The following ZFHX3 variants were observed in gnomAD, a reference collection of about 807,000 sequenced individuals.
The protein encoded by ZFHX3 is zinc finger homeobox protein 3.
In ZFHX3, 42 loss-of-function variants were observed where a neutral mutation model predicts 279.1. The ratio of observed to expected loss-of-function variants is 0.15; its 90% CI spans 0.12 to 0.19. The LOEUF is 0.19. Among genes scored for constraint, ZFHX3 ranks in the 10% least tolerant of loss-of-function variants. The pLI, the probability that ZFHX3 is intolerant of heterozygous loss-of-function variation, is 1.00. For synonymous variants in ZFHX3, 2,293 were observed against 1,957.8 expected, an observed-to-expected ratio of 1.17 and a Z score of -4.52; for missense variants, 4,981 against 4,754.0, an observed-to-expected ratio of 1.05 and a Z score of -1.40.
intron 4 of ZFHX3, among the ~76,000 whole-genome samples, chr16:72,835,528 C>T (rs1052760196): frequency 6.6e-6 from 1 of 152,136 alleles, no homozygotes; most frequent in Non-Finnish European, 1.5e-5. Context: ...AACAAAATAA[C>T]CTATCTGCTT....
intron 5 of ZFHX3, among the ~76,000 whole-genome samples, chr16:73,212,747 A>T (rs2012063580): frequency 6.6e-6 from 1 of 152,206 alleles, no homozygotes; most frequent in Admixed American, 6.5e-5. Flanking sequence ...CTTGCAGAGT[A>T]TTGATACGGA....
At chr16:72,980,102 T>C (rs62053222) in intron 1 of ZFHX3, among the ~76,000 whole-genome samples, 9,060 of 152,232 alleles carry the variant, frequency 0.06, 305 homozygotes, top group Non-Finnish European at 0.075. Context: ...TTTCCACTGA[T>C]AGACAAGAAT....
chr16:73,606,051 C>T (rs1351272107), intron 2 of ZFHX3, among the ~76,000 whole-genome samples: 5 of 151,054 alleles, frequency 3.3e-5, no homozygotes, highest in Middle Eastern at 6.9e-3. Context: ...GGCGTGGTGG[C>T]GGGCACCTGT....
chr16:73,103,352 C>G (rs1442827715), intron 7 of ZFHX3, among the ~76,000 whole-genome samples: 1 of 150,540 alleles, frequency 6.6e-6, no homozygotes, highest in Non-Finnish European at 1.5e-5. Flanking sequence ...ACCTTGGGTA[C>G]CCCAAACCAG....
intron 8 of ZFHX3, among the ~76,000 whole-genome samples, chr16:73,071,989 T>C (rs1161693895): frequency 6.6e-6 from 1 of 152,110 alleles, no homozygotes; most frequent in Non-Finnish European, 1.5e-5. Flanking sequence ...CCCTTTTAGC[T>C]TGGAAGTGGG....
intron 3 of ZFHX3, among the ~76,000 whole-genome samples, chr16:72,904,328 A>T (rs760893669): frequency 6.6e-6 from 1 of 151,830 alleles, no homozygotes; most frequent in Non-Finnish European, 1.5e-5. Context: ...ATCACAACCC[A>T]CTGCACTCCA....
chr16:72,851,507 C>G (rs1455516878), intron 4 of ZFHX3, among the ~76,000 whole-genome samples: 1 of 152,078 alleles, frequency 6.6e-6, no homozygotes, highest in Non-Finnish European at 1.5e-5. Flanking sequence ...AAATTCCTCT[C>G]TGGGGAGCTC....
At chr16:73,358,932 G>T (rs16971799) in intron 3 of ZFHX3, among the ~76,000 whole-genome samples, 7,308 of 152,210 alleles carry the variant, frequency 0.048, 567 homozygotes, top group African/African-American at 0.17. Context: ...TGGATGCAAA[G>T]ATTAAACAAG....
chr16:73,069,832 T>G (rs1965800907), intron 8 of ZFHX3, among the ~76,000 whole-genome samples: 1 of 152,226 alleles, frequency 6.6e-6, no homozygotes, highest in Admixed American at 6.5e-5. Flanking sequence ...TAATGGTATA[T>G]CCTGTCAATC....
At position 73,012,225 on chromosome 16, in the gene ZFHX3, A is replaced by G. The variant is rs187096616; in HGVS notation, c.-50+35527T>C. On this transcript the variant is annotated intron_variant, in intron 1 of 9. Coordinates refer to ENST00000268489, the MANE Select transcript of ZFHX3 (RefSeq NM_006885.4). ...TAACGGGCAGACAGCCTCAAACTCC[A>G]TTCAGCTCCACAGCGCCTCTCCATG... 1.7e-4 allele frequency among the ~76,000 whole-genome samples: 26 copies of G among 151,628 alleles called. 1 individual carries two copies. Among genetic ancestry groups the G allele is most frequent in the Admixed American group, 1.6e-3 (25 of 15,254 alleles).
intron 2 of ZFHX3, among the ~76,000 whole-genome samples, chr16:72,951,693 G>A (rs1187298063): frequency 3.3e-5 from 5 of 152,248 alleles, no homozygotes; most frequent in South Asian, 2.1e-4. Context: ...AGCTGCAATC[G>A]TAACATACCA....
intron 5 of ZFHX3, among the ~76,000 whole-genome samples, chr16:73,192,024 G>A (rs1968049285): frequency 1.3e-5 from 2 of 152,230 alleles, no homozygotes; most frequent in Admixed American, 1.3e-4. Context: ...CGCCCTACTT[G>A]GCTGTGTGGT....
At chr16:72,972,537 T>C (rs1183906732) in intron 1 of ZFHX3, among the ~76,000 whole-genome samples, 1 of 152,134 alleles carries the variant, frequency 6.6e-6, no homozygotes, top group African/African-American at 2.4e-5. Flanking sequence ...GAACCAACTA[T>C]GCGGCACAAT....
At chr16:73,793,743 G>A (rs188602180) in intron 1 of ZFHX3, among the ~76,000 whole-genome samples, 1 of 152,150 alleles carries the variant, frequency 6.6e-6, no homozygotes. Context: ...GGAATGAAGA[G>A]GAATAAGAGG....
rs1287091663 is a variant in ZFHX3, at chr16:72,787,949, C to T, written c.10327G>A (p.Glu3443Lys). ...PLLPKLPEEP[E>K]AESKSADSLY... ...GAGTCCGCACTTTTGCTTTCTGCTTCTGGCTCTTCAGGGAGTTTCGGCAGG... is the reference window on the plus strand; with the variant it reads ...GAGTCCGCACTTTTGCTTTCTGCTTTTGGCTCTTCAGGGAGTTTCGGCAGG... The change falls in exon 10 of 10, where the codon GAA becomes AAA. Residue 3443 changes from glutamate to lysine, a missense_variant. Glu to Lys is a moderately conservative substitution (Grantham distance 56, BLOSUM62 1). Coordinates refer to ENST00000268489, the MANE Select transcript of ZFHX3 (RefSeq NM_006885.4). 5.6e-6 allele frequency: 9 copies of T among 1,613,740 alleles called. No homozygotes were observed. Among genetic ancestry groups the T allele is most frequent in the Non-Finnish European group, 7.6e-6 (9 of 1,180,022 alleles).
chr16:73,135,147 T>G (rs976003189), intron 6 of ZFHX3, among the ~76,000 whole-genome samples: 5 of 152,192 alleles, frequency 3.3e-5, no homozygotes, highest in Non-Finnish European at 7.3e-5. Flanking sequence ...AGCATACTCT[T>G]AAATAACCAA....
intron 1 of ZFHX3, among the ~76,000 whole-genome samples, chr16:73,889,152 G>A (rs1284395499): frequency 6.6e-6 from 1 of 152,146 alleles, no homozygotes; most frequent in African/African-American, 2.4e-5. Context: ...TATTGGCATA[G>A]AAGACTAAGG....
At chr16:73,787,837 G>GTT (rs143581407) in intron 1 of ZFHX3, among the ~76,000 whole-genome samples, 8,952 of 150,146 alleles carry the variant, frequency 0.06, 827 homozygotes, top group African/African-American at 0.19. Flanking sequence ...GTGTGTGTGT[G>GTT]TGTGTGTGTG....
intron 6 of ZFHX3, among the ~76,000 whole-genome samples, chr16:73,141,840 C>T (rs1175602435): frequency 1.3e-5 from 2 of 152,184 alleles, no homozygotes; most frequent in Admixed American, 1.3e-4. Context: ...GAAGCCACTG[C>T]CCAGCCTGTA....
Sources: gnomAD v4.1 joint callset for allele counts (sites outside exome capture counted in the v4.1 genomes callset) on GRCh38, gnomAD v4.1.1 for gene constraint, MANE v1.5 for transcripts, NCBI Gene and HGNC (gene_info 2026-07-23, HGNC 2026-07-21) for gene names.